LRPPRC: variants seen among roughly 807,000 people sequenced by gnomAD.
The protein encoded by LRPPRC is leucine rich pentatricopeptide repeat containing, also known as leucine-rich PPR motif-containing protein, mitochondrial.
LRPPRC carries 120 observed loss-of-function variants against 180.3 expected under a neutral mutation model. The observed-to-expected ratio is 0.67, with a 90% confidence interval of 0.57 to 0.77. The LOEUF (loss-of-function observed/expected upper bound fraction) is 0.77. Ranked by LOEUF, LRPPRC falls within the 30% of genes least tolerant of loss-of-function variation. LRPPRC has a pLI of 0.00. For missense variants in LRPPRC, 2,012 were observed against 1,657.2 expected, an observed-to-expected ratio of 1.21 and a Z score of -3.72; for synonymous variants, 723 against 600.0, an observed-to-expected ratio of 1.21 and a Z score of -3.00.
chr2:43,934,102 A>G (rs981894204), intron 25 of LRPPRC, 88 bp downstream of exon 25: 4 of 753,422 alleles, frequency 5.3e-6, no homozygotes, highest in South Asian at 1.5e-5. Flanking sequence ...AATCAGAACA[A>G]GTGTAATTAA....
rs17424646 is a variant in LRPPRC at position 43,935,181 on chromosome 2, T to C, written c.2505-303A>G. On this transcript the variant is annotated intron_variant, in intron 23 of 37. Transcript: ENST00000260665. ...AGATTAAGGCATTCTCTGATTTTAC[T>C]GTAAATTCTGACTTTATGTAGAAAG... 0.087 allele frequency among the ~76,000 whole-genome samples: 13,253 copies of C among 152,292 alleles called. 650 individuals carry two copies. Among genetic ancestry groups the C allele is most frequent in the South Asian group, 0.14 (688 of 4,826 alleles).
chr2:43,982,841 C>T (rs1168218431), intron 1 of LRPPRC, among the ~76,000 whole-genome samples: 1 of 152,018 alleles, frequency 6.6e-6, no homozygotes, highest in Non-Finnish European at 1.5e-5. Context: ...TAAAATATAT[C>T]CAAAATTTTT....
intron 31 of LRPPRC, chr2:43,902,940 C>T (rs1317981450): frequency 1.3e-5 from 2 of 152,190 alleles, no homozygotes; most frequent in African/African-American, 4.8e-5. Context: ...GCTACTGTCA[C>T]AACTACCCTT....
At chr2:43,897,983 T>A (rs775702598) in intron 34 of LRPPRC, among the ~76,000 whole-genome samples, 3 of 151,012 alleles carry the variant, frequency 2.0e-5, no homozygotes, top group Non-Finnish European at 4.4e-5. Flanking sequence ...GTATCTTCCT[T>A]CTTTTTTTTT....
intron 11 of LRPPRC, 100 bp from the exon 12 acceptor site, chr2:43,963,806 G>A (rs1673450247): frequency 2.6e-6 from 2 of 782,998 alleles, no homozygotes; most frequent in Non-Finnish European, 4.6e-6. Context: ...CACAGTATAA[G>A]AAAATTACTC....
At chr2:43,959,164 T>C (rs1427806993) in intron 13 of LRPPRC, 1 of 715,080 alleles carries the variant, frequency 1.4e-6, no homozygotes, top group Non-Finnish European at 2.6e-6. Flanking sequence ...ATCCACCTCG[T>C]GAGCCCAGAT....
chr2:43,960,959 T>C lies in LRPPRC; in HGVS notation c.1489-325A>G, dbSNP rs72879119. 5.2e-3 allele frequency among the ~76,000 whole-genome samples: 792 copies of C among 152,290 alleles called. 9 individuals are homozygous for C. Among genetic ancestry groups the C allele is most frequent in the African/African-American group, 0.016 (682 of 41,566 alleles). ...CATTAATCTAAAATATTTTGGGGCA[T>C]ACAGTTTGGCCAGGATCTAATTTAA... On this transcript the variant is annotated intron_variant, in intron 12 of 37. Transcript: ENST00000260665.
chr2:43,995,641 A>C, intron 1 of LRPPRC, 158 bp downstream of exon 1: 1 of 657,942 alleles, frequency 1.5e-6, no homozygotes, highest in East Asian at 3.5e-5. Context: ...TCACCCGAAA[A>C]CCCCTGGTAG....
chr2:43,930,195 TCCGGCTG>T (rs2105051352), intron 25 of LRPPRC, among the ~76,000 whole-genome samples: 1 of 151,936 alleles, frequency 6.6e-6, no homozygotes, highest in East Asian at 1.9e-4. Context: ...CAAAATGTAC[TCCGGCTG>T]CACCGTGATG....
intron 1 of LRPPRC, among the ~76,000 whole-genome samples, chr2:43,994,962 C>T (rs1271996929): frequency 6.6e-6 from 1 of 152,300 alleles, no homozygotes; most frequent in East Asian, 1.9e-4. Context: ...ACTTACAGGA[C>T]GGGAGCGGTG....
rs116082738 is a variant in LRPPRC, at chr2:43,943,564, A to T, written c.2504+123T>A. ...TCACCTAGTTCATATTAGCCCTCTTACTCTGTGGTAAATGACCTCCAAGGC... is the reference window on the plus strand; with the variant it reads ...TCACCTAGTTCATATTAGCCCTCTTTCTCTGTGGTAAATGACCTCCAAGGC... On this transcript the variant is annotated intron_variant, in intron 23 of 37. Transcript: ENST00000260665. 6.8e-4 allele frequency: 534 copies of T among 786,698 alleles called. 3 individuals are homozygous for T. In the African/African-American group the frequency reaches 8.6e-3, roughly 13 times the overall value. 48.7% of individuals were successfully genotyped at this position (786,698 alleles called of 1,614,324 possible).
chr2:43,948,878 A>G (rs1242667393), intron 16 of LRPPRC, among the ~76,000 whole-genome samples: 1 of 151,402 alleles, frequency 6.6e-6, no homozygotes, highest in Admixed American at 6.6e-5. Context: ...ACATTTCTAT[A>G]CTGTTTTTTT....
At chr2:43,988,588 T>C (rs1372718300) in intron 1 of LRPPRC, among the ~76,000 whole-genome samples, 1 of 152,036 alleles carries the variant, frequency 6.6e-6, no homozygotes, top group African/African-American at 2.4e-5. Flanking sequence ...TGTCTTATTA[T>C]AGAAGGTGCT....
At chr2:43,888,744 G>A (rs569483684) in intron 37 of LRPPRC, 88 bp from the exon 38 acceptor site, 33 of 754,526 alleles carry the variant, frequency 4.4e-5, no homozygotes, top group Middle Eastern at 2.3e-4. Flanking sequence ...ACTACCAACT[G>A]GTAGCTAAGA....
chr2:43,977,028 A>G lies in LRPPRC; in HGVS notation c.616T>C (p.Ser206Pro). The change falls in exon 5 of 38, where the codon TCT (serine) becomes CCT (proline). Residue 206 changes from serine (S) to proline (P), a missense_variant. By Grantham distance (74) the Ser-to-Pro change is moderately conservative. Coordinates refer to ENST00000260665, the MANE Select transcript of LRPPRC (RefSeq NM_133259.4). ...NRVTYQRLIA[S>P]YCNVGDIEGA... ...TCAATATCTCCTACATTACAATAAG[A>G]AGCAATCAATCTCTGGTATGTCACC... The G allele has an allele frequency of 6.2e-7, 1 of 1,613,540 alleles. No individual in the cohort carries two copies. The highest frequency in any genetic ancestry group is 8.5e-7 in the Non-Finnish European group (1 of 1,179,606).
chr2:43,896,734 AGTGAAGGTTTCTGATAAACAAG>A (rs1224581783), intron 34 of LRPPRC, 26 bp from the exon 35 acceptor site: 14 of 1,382,448 alleles, frequency 1.0e-5, no homozygotes, highest in Non-Finnish European at 1.4e-5. Flanking sequence ...TTATTCAGTA[AGTGAAGGTTTCTGATAAACAAG>A]TGGATCAAAC....
intron 27 of LRPPRC, among the ~76,000 whole-genome samples, chr2:43,922,735 C>T (rs1033826259): frequency 1.3e-5 from 2 of 152,120 alleles, no homozygotes; most frequent in African/African-American, 2.4e-5. Flanking sequence ...GGCAACACAG[C>T]AAGACCCAAT....
chr2:43,951,230 T>C (rs1028762283), intron 14 of LRPPRC, among the ~76,000 whole-genome samples: 2 of 152,338 alleles, frequency 1.3e-5, no homozygotes, highest in Non-Finnish European at 2.9e-5. Flanking sequence ...AGGGGATAAC[T>C]TGAAGCTGTA....
chr2:43,969,016 T>C (rs571609071), intron 11 of LRPPRC, among the ~76,000 whole-genome samples: 3 of 152,190 alleles, frequency 2.0e-5, no homozygotes, highest in African/African-American at 2.4e-5. Context: ...TGAATATATA[T>C]AGTTTGTGTC....
Sources: allele counts gnomAD v4.1 joint callset (sites outside exome capture counted in the v4.1 genomes callset), GRCh38; gene constraint gnomAD v4.1.1; transcripts MANE v1.5; gene names NCBI Gene and HGNC (gene_info 2026-07-23, HGNC 2026-07-21).